The following TIAM1 variants were observed in gnomAD, a reference collection of about 807,000 sequenced individuals.
TIAM1 encodes TIAM Rac1 associated GEF 1.
A neutral mutation model predicts 163.5 loss-of-function variants in TIAM1; 65 were observed. The observed-to-expected ratio is 0.40, with a 90% CI of 0.33 to 0.49. The LOEUF is 0.49. Among genes scored for constraint, TIAM1 ranks in the 20% least tolerant of loss-of-function variants. The probability of loss-of-function intolerance (pLI) is 0.77; values close to 1 mark genes in which losing one functional copy is unlikely to be tolerated. For missense variants in TIAM1, 1,789 were observed against 2,044.7 expected (o/e 0.87, Z 2.41); for synonymous variants, 833 against 810.1 (o/e 1.03, Z -0.48).
At chr21:31,355,173 CAA>C (rs35512560) in intron 2 of TIAM1, among the ~76,000 whole-genome samples, 99 of 128,468 alleles carry the variant, frequency 7.7e-4, no homozygotes, top group Middle Eastern at 7.9e-3. Context: ...CCCCCACCAC[CAA>C]AAAAAAAAAA....
At chr21:31,338,395 C>G (rs1280056558) in intron 2 of TIAM1, among the ~76,000 whole-genome samples, 1 of 152,222 alleles carries the variant, frequency 6.6e-6, no homozygotes, top group East Asian at 1.9e-4. Flanking sequence ...TTAAATAATG[C>G]ATCCCGATGT....
At chr21:31,510,516 C>G (rs1177888815) in intron 1 of TIAM1, among the ~76,000 whole-genome samples, 1 of 152,120 alleles carries the variant, frequency 6.6e-6, no homozygotes, top group Non-Finnish European at 1.5e-5. Flanking sequence ...CATTTCAGCC[C>G]ATAACAGACC....
At chr21:31,185,136 A>G (rs912701975) in intron 14 of TIAM1, among the ~76,000 whole-genome samples, 2 of 151,644 alleles carry the variant, frequency 1.3e-5, no homozygotes, top group African/African-American at 4.9e-5. Context: ...TCTGACGTTC[A>G]ATACATATTA....
intron 12 of TIAM1, among the ~76,000 whole-genome samples, chr21:31,196,701 G>C (rs1244581420): frequency 6.6e-6 from 1 of 152,060 alleles, no homozygotes; most frequent in East Asian, 1.9e-4. Flanking sequence ...ACTTCTCAAA[G>C]AACTTAGAAC....
chr21:31,265,741 A>G (rs1289142516), intron 4 of TIAM1, among the ~76,000 whole-genome samples: 1 of 152,196 alleles, frequency 6.6e-6, no homozygotes, highest in East Asian at 1.9e-4. Flanking sequence ...GCAGTTTCCC[A>G]ATATGAACTT....
intron 14 of TIAM1, among the ~76,000 whole-genome samples, chr21:31,184,168 C>T (rs911106574): frequency 1.3e-5 from 2 of 151,862 alleles, no homozygotes; most frequent in Admixed American, 1.3e-4. Context: ...TTCAATGGCG[C>T]GATCTCAGTT....
intron 2 of TIAM1, among the ~76,000 whole-genome samples, chr21:31,388,264 C>G (rs1425734062): frequency 6.7e-6 from 1 of 148,612 alleles, no homozygotes; most frequent in East Asian, 2.0e-4. Context: ...CACACAACCT[C>G]TTACGTGAAT....
intron 1 of TIAM1, among the ~76,000 whole-genome samples, chr21:31,546,242 GA>G (rs34553938): frequency 6.7e-6 from 1 of 148,868 alleles, no homozygotes; most frequent in African/African-American, 2.5e-5. Flanking sequence ...CAGGTAGAAG[GA>G]AAAAAAAATG....
rs770587344 is a variant in TIAM1 at position 31,154,252 on chromosome 21, C to T, written c.3166G>A (p.Val1056Met). 5 of 1,613,670 alleles carry T rather than the reference C, an allele frequency of 3.1e-6. No individual in the cohort carries two copies. Among genetic ancestry groups the T allele is most frequent in the Admixed American group, 1.7e-5 (1 of 59,972 alleles). Residue 1056 changes from valine to methionine, a missense_variant, in exon 17 of 28, where the codon GTG becomes ATG. Val to Met is a conservative substitution (Grantham distance 21, BLOSUM62 1). This residue lies in a region of TIAM1 where 303 missense variants were observed against 321.3 expected (regional missense o/e 0.94). Transcript: ENST00000541036. ...GGGAGAAAAAAGAAACATACCTTCACGTAGGTGCGCTCCGTCTCCAGGAGC... is the reference window on the plus strand; with the variant it reads ...GGGAGAAAAAAGAAACATACCTTCATGTAGGTGCGCTCCGTCTCCAGGAGC... ...CELLETERTY[V>M]KDLNCLMERY...
intron 4 of TIAM1, among the ~76,000 whole-genome samples, chr21:31,264,845 T>G (rs2072665934): frequency 6.6e-6 from 1 of 152,162 alleles, no homozygotes; most frequent in African/African-American, 2.4e-5. Flanking sequence ...TTGAGGCTGC[T>G]CCGCCATTCA....
At chr21:31,143,135 T>TCC (rs1268003900) in intron 20 of TIAM1, among the ~76,000 whole-genome samples, 3 of 151,882 alleles carry the variant, frequency 2.0e-5, no homozygotes, top group Non-Finnish European at 4.4e-5. Flanking sequence ...CACACACCCC[T>TCC]CCCCCATACC....
At chr21:31,498,727 C>G (rs1449187727) in intron 1 of TIAM1, among the ~76,000 whole-genome samples, 1 of 152,118 alleles carries the variant, frequency 6.6e-6, no homozygotes, top group African/African-American at 2.4e-5. Context: ...AGGTGGATCA[C>G]CTGAGGTCAA....
chr21:31,431,092 A>G (rs887455046), intron 2 of TIAM1, among the ~76,000 whole-genome samples: 1 of 152,206 alleles, frequency 6.6e-6, no homozygotes, highest in Non-Finnish European at 1.5e-5. Context: ...TTCTGCATGT[A>G]TGGGTCTCCT....
chr21:31,230,857 G>C (rs1273235793), intron 6 of TIAM1, among the ~76,000 whole-genome samples: 1 of 152,012 alleles, frequency 6.6e-6, no homozygotes, highest in Non-Finnish European at 1.5e-5. Flanking sequence ...TTAGTAGAGA[G>C]GGGTTTCACC....
At chr21:31,275,684 G>A (rs1175610544) in intron 3 of TIAM1, among the ~76,000 whole-genome samples, 2 of 152,078 alleles carry the variant, frequency 1.3e-5, no homozygotes, top group African/African-American at 2.4e-5. Context: ...GGAAGTTTTC[G>A]TCTAGCTCTT....
intron 2 of TIAM1, among the ~76,000 whole-genome samples, chr21:31,409,685 A>G (rs2077312006): frequency 6.7e-6 from 1 of 149,812 alleles, no homozygotes; most frequent in Non-Finnish European, 1.5e-5. Flanking sequence ...AAGTTCTGCA[A>G]ATACACCTCT....
chr21:31,211,014 CAT>C (rs1185248247), intron 10 of TIAM1, among the ~76,000 whole-genome samples: 2 of 151,984 alleles, frequency 1.3e-5, no homozygotes, highest in East Asian at 3.9e-4. Context: ...TAGACAGCAT[CAT>C]TTTTGTGCTC....
rs138914065 is a variant in TIAM1 at position 31,444,941 on chromosome 21, T to C, written c.-369+19042A>G. Reference sequence around the variant, plus strand: ...TGAACCTGGGAGGCGGAGGTTGCAGTGAGCTGAGATCACGCCATTGCACTT... The same window carrying C: ...TGAACCTGGGAGGCGGAGGTTGCAGCGAGCTGAGATCACGCCATTGCACTT... On this transcript the variant is annotated intron_variant, in intron 2 of 28. Coordinates refer to the TIAM1 transcript ENST00000286827. Among the ~76,000 whole-genome samples, 1,052 of 152,062 alleles carry C rather than the reference T, an allele frequency of 6.9e-3. 10 individuals carry two copies. Among genetic ancestry groups the C allele is most frequent in the Middle Eastern group, 0.024 (7 of 294 alleles).
chr21:31,392,399 C>T (rs563615754), intron 2 of TIAM1, among the ~76,000 whole-genome samples: 3 of 151,896 alleles, frequency 2.0e-5, no homozygotes, highest in Non-Finnish European at 4.4e-5. Flanking sequence ...GATGAAACCC[C>T]GTCTCTACTA....
Sources: gnomAD v4.1 joint callset for allele counts (sites outside exome capture counted in the v4.1 genomes callset) on GRCh38, gnomAD v4.1.1 for gene constraint, gnomAD v4.1.1 regional missense constraint, MANE v1.5 for transcripts, NCBI Gene and HGNC (gene_info 2026-07-23, HGNC 2026-07-21) for gene names.